MGMT: variants seen among roughly 807,000 people sequenced by gnomAD.
The protein encoded by MGMT is methylated-DNA--protein-cysteine methyltransferase.
In MGMT, 14 loss-of-function variants were observed where a neutral mutation model predicts 15.9. The ratio of observed to expected loss-of-function variants is 0.88; its 90% CI spans 0.58 to 1.37. The LOEUF (loss-of-function observed/expected upper bound fraction) is 1.37. Among genes scored for constraint, MGMT ranks in the 40% most tolerant of loss-of-function variants. MGMT has a pLI of 0.00. For synonymous variants in MGMT, 130 were observed against 118.2 expected (o/e 1.10, Z -0.65); for missense variants, 282 against 268.1 (o/e 1.05, Z -0.36).
At chr10:129,627,552 C>T (rs1847164871) in intron 2 of MGMT, among the ~76,000 whole-genome samples, 1 of 152,170 alleles carries the variant, frequency 6.6e-6, no homozygotes, top group Non-Finnish European at 1.5e-5. Context: ...TGGCCCCTCG[C>T]CCTCCACTCT....
intron 2 of MGMT, among the ~76,000 whole-genome samples, chr10:129,571,804 C>A (rs1010709560): frequency 2.0e-5 from 3 of 152,170 alleles, no homozygotes; most frequent in African/African-American, 7.2e-5. Flanking sequence ...AAATTGATAT[C>A]AATCATCTAA....
chr10:129,765,450 A>G (rs1848922892), intron 4 of MGMT, among the ~76,000 whole-genome samples: 1 of 152,196 alleles, frequency 6.6e-6, no homozygotes, highest in Non-Finnish European at 1.5e-5. Context: ...GGGGACAACC[A>G]GAGAGATGCC....
In MGMT at chr10:129,659,085, A is replaced by C. The variant is rs956978686; in HGVS notation, c.126-48810A>C. Among the ~76,000 whole-genome samples, 1 of 152,136 alleles carries C rather than the reference A, an allele frequency of 6.6e-6. No individual in the cohort carries two copies. The highest frequency in any genetic ancestry group is 1.5e-5 in the Non-Finnish European group (1 of 68,028). On this transcript the variant is annotated intron_variant, in intron 2 of 4. Coordinates refer to ENST00000651593, the MANE Select transcript of MGMT (RefSeq NM_002412.5). This position sits in a 1 kb window ranked among gnomAD's most constrained non-coding sequence, Gnocchi z 4.1. ...TCAGAAGATACTCAAGGCCGGGTGC[A>C]GTGGCTCACACCTGTAATCCCAACA...
intron 2 of MGMT, among the ~76,000 whole-genome samples, chr10:129,600,595 A>G (rs1485513054): frequency 1.3e-5 from 2 of 152,254 alleles, no homozygotes; most frequent in African/African-American, 2.4e-5. Context: ...TGAGCTAGCA[A>G]GAGCAACACC....
At chr10:129,674,493 T>G (rs1245865624) in intron 2 of MGMT, among the ~76,000 whole-genome samples, 1 of 152,192 alleles carries the variant, frequency 6.6e-6, no homozygotes, top group Non-Finnish European at 1.5e-5. Context: ...CTTCCTGACC[T>G]CTTAATGGCC....
At chr10:129,552,200 G>A (rs1705532212) in intron 2 of MGMT, among the ~76,000 whole-genome samples, 1 of 152,236 alleles carries the variant, frequency 6.6e-6, no homozygotes, top group South Asian at 2.1e-4. Context: ...TCATGGCCGA[G>A]CGCCCCGTTT....
intron 2 of MGMT, among the ~76,000 whole-genome samples, chr10:129,650,538 T>G (rs976232510): frequency 6.6e-6 from 1 of 152,172 alleles, no homozygotes; most frequent in Admixed American, 6.5e-5. Flanking sequence ...GAGAAAACCC[T>G]CACCATTGCG....
chr10:129,524,861 A>G (rs1015631583), intron 1 of MGMT, among the ~76,000 whole-genome samples: 2 of 152,060 alleles, frequency 1.3e-5, no homozygotes, highest in Non-Finnish European at 2.9e-5. Context: ...AAGTGCTGGG[A>G]TTACAGTTGT....
intron 3 of MGMT, among the ~76,000 whole-genome samples, chr10:129,741,713 C>T (rs1848635497): frequency 6.6e-6 from 1 of 152,238 alleles, no homozygotes; most frequent in South Asian, 2.1e-4. Context: ...CTTTCCACCA[C>T]TCAGCTTTCT....
chr10:129,520,727 G>A (rs1475633366), intron 1 of MGMT, among the ~76,000 whole-genome samples: 1 of 150,690 alleles, frequency 6.6e-6, no homozygotes, highest in East Asian at 2.0e-4. Flanking sequence ...ACCCCCTATG[G>A]TGCGGGTACA....
chr10:129,535,957 C>A (rs1000412116), intron 1 of MGMT, among the ~76,000 whole-genome samples: 1 of 152,194 alleles, frequency 6.6e-6, no homozygotes, highest in African/African-American at 2.4e-5. Flanking sequence ...AGGTCAGCTT[C>A]CTTCGGTGTT....
At chr10:129,573,372 A>G (rs1846441901) in intron 2 of MGMT, among the ~76,000 whole-genome samples, 1 of 152,230 alleles carries the variant, frequency 6.6e-6, no homozygotes, top group African/African-American at 2.4e-5. Context: ...CCCAATGTTA[A>G]CAGCTTACAT....
chr10:129,675,639 G>A (rs1027774624), intron 2 of MGMT, among the ~76,000 whole-genome samples: 1 of 152,100 alleles, frequency 6.6e-6, no homozygotes, highest in Non-Finnish European at 1.5e-5. Flanking sequence ...CCAGTGGGTC[G>A]GATCCGTGAG....
At chr10:129,732,573 A>G (rs1406843736) in intron 3 of MGMT, among the ~76,000 whole-genome samples, 1 of 150,084 alleles carries the variant, frequency 6.7e-6, no homozygotes, top group Admixed American at 6.7e-5. Flanking sequence ...TATTATTATT[A>G]TACTTTAAGT....
intron 2 of MGMT, among the ~76,000 whole-genome samples, chr10:129,573,824 A>G (rs1176192635): frequency 6.6e-6 from 1 of 152,198 alleles, no homozygotes; most frequent in East Asian, 1.9e-4. Context: ...AAGAGTATAA[A>G]ATCTAGGTTA....
Position 129,770,276 on chromosome 10 carries a change from C to A in MGMT, c.*3279C>A, listed in dbSNP as rs1848986005. Among the ~76,000 whole-genome samples the A allele has an allele frequency of 6.6e-6, 1 of 152,184 alleles. No homozygotes were observed. Among genetic ancestry groups the A allele is most frequent in the South Asian group, 2.1e-4 (1 of 4,832 alleles). ...AGAACTGTAAGATAAGGATAAAATC[C>A]CATCCACCTGAATTGCTGAGAAACG... On this transcript the variant is annotated 3_prime_UTR_variant, in exon 5 of 5. Coordinates refer to ENST00000651593, the MANE Select transcript of MGMT (RefSeq NM_002412.5).
At chr10:129,736,987 T>G (rs1848570591) in intron 3 of MGMT, among the ~76,000 whole-genome samples, 1 of 152,214 alleles carries the variant, frequency 6.6e-6, no homozygotes, top group Admixed American at 6.5e-5. Context: ...CTGGCTGCCC[T>G]TAACATTTTT....
chr10:129,651,019 C>T (rs761449146), intron 2 of MGMT, among the ~76,000 whole-genome samples: 2 of 152,148 alleles, frequency 1.3e-5, no homozygotes, highest in African/African-American at 2.4e-5. Flanking sequence ...TCTGAAGATC[C>T]GGCTGGAACC....
rs149001538 is a variant in MGMT, at chr10:129,711,215, A to T, written c.274+3172A>T. ...CTCTGGAACGAACATGCTGTTTGTG[A>T]TTTGCTTTTTAAGGCTAACCACAAA... On this transcript the variant is annotated intron_variant, in intron 3 of 4. Transcript: ENST00000651593. Among the ~76,000 whole-genome samples, 13 of 152,278 alleles carry T rather than the reference A, an allele frequency of 8.5e-5. No homozygotes were observed. In the East Asian group the frequency reaches 2.5e-3, roughly 29 times the overall value.
Sources: gnomAD v4.1 joint callset for allele counts (sites outside exome capture counted in the v4.1 genomes callset) on GRCh38, gnomAD v4.1.1 for gene constraint, Gnocchi (gnomAD v3.1) non-coding constraint, MANE v1.5 for transcripts, NCBI Gene and HGNC (gene_info 2026-07-23, HGNC 2026-07-21) for gene names.